The following B4GALNT3 variants were observed in gnomAD, a reference collection of about 807,000 sequenced individuals.
B4GALNT3 encodes beta-1,4-N-acetylgalactosaminyltransferase 3.
In B4GALNT3, 86 loss-of-function variants were observed where a neutral mutation model predicts 120.2. The ratio of observed to expected loss-of-function variants is 0.72; its 90% confidence interval spans 0.60 to 0.86. B4GALNT3 has a LOEUF of 0.86. B4GALNT3 is among the 40% of genes least tolerant of loss of function. The pLI is 0.00. For missense variants in B4GALNT3, 1,167 were observed against 1,298.9 expected, an observed-to-expected ratio of 0.90 and a Z score of 1.56; for synonymous variants, 518 against 510.4, an observed-to-expected ratio of 1.01 and a Z score of -0.20.
chr12:487,120 G>A (rs115462015), intron 1 of B4GALNT3, among the ~76,000 whole-genome samples: 12 of 152,054 alleles, frequency 7.9e-5, no homozygotes, highest in African/African-American at 2.4e-4. Context: ...AGGATATGAC[G>A]ACATAAACTT....
At chr12:465,259 A>G (rs1946065547) in intron 1 of B4GALNT3, among the ~76,000 whole-genome samples, 2 of 152,100 alleles carry the variant, frequency 1.3e-5, no homozygotes, top group South Asian at 4.1e-4. Context: ...TATTCCAGTC[A>G]CCAGGCTACT....
At chr12:509,355 G>A (rs143441504) in intron 1 of B4GALNT3, among the ~76,000 whole-genome samples, 18 of 152,342 alleles carry the variant, frequency 1.2e-4, no homozygotes, top group African/African-American at 3.4e-4. Flanking sequence ...ACTCATGCGC[G>A]TGGAGAGGAC....
At position 539,568 on chromosome 12, in the gene B4GALNT3, T is replaced by C. The variant is rs377183501; in HGVS notation, c.351+3273T>C. On this transcript the variant is annotated intron_variant, in intron 3 of 19. Transcript: ENST00000266383. ...AAAAAAAAAGAAAGAAACAGCTTTA[T>C]TGAACTGTAATTCACATACCATACA... 3.9e-5 allele frequency among the ~76,000 whole-genome samples: 6 copies of C among 152,052 alleles called. No individual in the cohort carries two copies. In the East Asian group the frequency reaches 1.2e-3, roughly 29 times the overall value.
At chr12:482,257 G>C (rs982852766) in intron 1 of B4GALNT3, among the ~76,000 whole-genome samples, 3 of 152,216 alleles carry the variant, frequency 2.0e-5, no homozygotes, top group African/African-American at 4.8e-5. Context: ...AGCAGCCACA[G>C]CACACCAGTG....
At chr12:499,509 CTAT>C in intron 1 of B4GALNT3, among the ~76,000 whole-genome samples, 1 of 107,710 alleles carries the variant, frequency 9.3e-6, no homozygotes, top group African/African-American at 4.4e-5. Context: ...CGTGCTCTCA[CTAT>C]CTACTAGCCC....
chr12:557,517 C>A, intron 15 of B4GALNT3, 91 bp from the exon 16 acceptor site: 13 of 1,407,716 alleles, frequency 9.2e-6, no homozygotes, highest in Non-Finnish European at 1.3e-5. Flanking sequence ...ATGGGCACTC[C>A]TGACTCACCT....
chr12:493,915 A>G (rs776131580), intron 1 of B4GALNT3, among the ~76,000 whole-genome samples: 1 of 152,198 alleles, frequency 6.6e-6, no homozygotes, highest in Non-Finnish European at 1.5e-5. Flanking sequence ...TCCATAGTTC[A>G]CTCAGCGTGA....
intron 1 of B4GALNT3, among the ~76,000 whole-genome samples, chr12:506,873 T>C (rs1261247099): frequency 6.6e-6 from 1 of 152,190 alleles, no homozygotes; most frequent in African/African-American, 2.4e-5. Context: ...CCTGACCTCG[T>C]GATCCGCCCG....
At chr12:533,905 G>A (rs73592346) in intron 1 of B4GALNT3, among the ~76,000 whole-genome samples, 2,597 of 152,302 alleles carry the variant, frequency 0.017, 79 homozygotes, top group African/African-American at 0.058. Flanking sequence ...GGCCACCTTC[G>A]GTGAAGCCCA....
At chr12:468,237 T>C (rs1206207970) in intron 1 of B4GALNT3, among the ~76,000 whole-genome samples, 1 of 122,434 alleles carries the variant, frequency 8.2e-6, no homozygotes, top group Non-Finnish European at 1.9e-5. Context: ...GACCTAGACA[T>C]TGTTGAAAAA....
intron 1 of B4GALNT3, among the ~76,000 whole-genome samples, chr12:484,989 G>A (rs141871506): frequency 6.4e-4 from 98 of 152,212 alleles, no homozygotes; most frequent in Middle Eastern, 3.4e-3. Flanking sequence ...TATTCCAAGA[G>A]CTATGGTGTT....
intron 12 of B4GALNT3, 30 bp downstream of exon 12, chr12:552,193 G>A: frequency 6.4e-7 from 1 of 1,559,814 alleles, no homozygotes; most frequent in South Asian, 1.1e-5. Context: ...GCAGGAAGGT[G>A]ACCTTGCAGA....
At chr12:515,200 G>GT (rs1365166083) in intron 1 of B4GALNT3, among the ~76,000 whole-genome samples, 1 of 151,856 alleles carries the variant, frequency 6.6e-6, no homozygotes, top group African/African-American at 2.4e-5. Flanking sequence ...CGTTGTTGTT[G>GT]TTTTTTGAGA....
intron 1 of B4GALNT3, among the ~76,000 whole-genome samples, chr12:531,430 C>G (rs1397685899): frequency 3.3e-5 from 5 of 152,166 alleles, no homozygotes; most frequent in Non-Finnish European, 7.4e-5. Flanking sequence ...GGGAGAATCA[C>G]TTGATCCCAG....
chr12:500,865 C>CCTTTTTTTTTTTTT (rs2043817132), intron 1 of B4GALNT3, among the ~76,000 whole-genome samples: 1 of 61,830 alleles, frequency 1.6e-5, no homozygotes, highest in African/African-American at 7.5e-5. Context: ...GGCTCCACTG[C>CCTTTTTTTTTTTTT]TTTTTTTTTT....
intron 1 of B4GALNT3, among the ~76,000 whole-genome samples, chr12:506,985 C>A (rs1476859274): frequency 6.6e-6 from 1 of 152,170 alleles, no homozygotes; most frequent in African/African-American, 2.4e-5. Context: ...TTTCATTTAC[C>A]CAACATTGCA....
At position 556,651 on chromosome 12, in the gene B4GALNT3, T is replaced by G. The variant is rs1377139254; in HGVS notation, c.2165T>G (p.Val722Gly). Residue 722 changes from valine to glycine, a missense_variant, in exon 15 of 20, where the codon GTG becomes GGG. By Grantham distance (109) the Val-to-Gly change is moderately radical (BLOSUM62 -3). Coordinates refer to ENST00000266383, the MANE Select transcript of B4GALNT3 (RefSeq NM_173593.4). ...GAACTGTTGGAACAAGGCCAGCGCG[T>G]GGTGCGGCTCTCGGAGTATGTGTCT... ...ELELLEQGQR[V>G]VRLSEYVSAR... 1.9e-5 allele frequency: 31 copies of G among 1,613,896 alleles called. No individual in the cohort carries two copies. The highest frequency in any genetic ancestry group is 2.5e-5 in the Non-Finnish European group (29 of 1,180,042).
At chr12:480,658 C>G (rs1946233702) in intron 1 of B4GALNT3, among the ~76,000 whole-genome samples, 1 of 152,030 alleles carries the variant, frequency 6.6e-6, no homozygotes, top group Admixed American at 6.6e-5. Context: ...GGGAGTGGGA[C>G]CCAGGCCCAG....
At position 549,774 on chromosome 12, in the gene B4GALNT3, A is replaced by T. The variant is rs1484328640; in HGVS notation, c.859A>T (p.Thr287Ser). ...TCTTTCCTCCCTGCGCCCAGATGAG[A>T]CGTTCCTACAGATGGATGAGGTGGG... ...SLSLSLFTNE[T>S]FLQMDEVGHI... Residue 287 changes from threonine (T) to serine (S), a missense_variant, in exon 10 of 20, where the codon ACG becomes TCG. By Grantham distance (58) the Thr-to-Ser change is moderately conservative (BLOSUM62 1). Around this residue, in one of 3 missense-constraint regions of B4GALNT3, gnomAD observed 983 missense variants for 1,102.5 expected, o/e 0.89. Transcript: ENST00000266383. 1 of 1,613,690 alleles carries T rather than the reference A, an allele frequency of 6.2e-7. No homozygotes were observed. Among genetic ancestry groups the T allele is most frequent in the South Asian group, 1.1e-5 (1 of 91,078 alleles).
Sources: allele counts gnomAD v4.1 joint callset (sites outside exome capture counted in the v4.1 genomes callset), GRCh38; gene constraint gnomAD v4.1.1; regional missense constraint gnomAD v4.1.1; transcripts MANE v1.5; gene names NCBI Gene and HGNC (gene_info 2026-07-23, HGNC 2026-07-21).